Variants in AR observed in about 807,000 individuals in gnomAD.
The protein encoded by AR is androgen receptor.
In AR, 8 loss-of-function variants were observed where a neutral mutation model predicts 53.9. That is an observed-to-expected ratio of 0.15 (90% CI 0.09 to 0.27). The LOEUF (loss-of-function observed/expected upper bound fraction) is 0.27, where lower values mean the gene tolerates loss of function less well. Ranked by LOEUF, AR falls within the 10% of genes least tolerant of loss-of-function variation. The probability of loss-of-function intolerance (pLI) is 1.00; values close to 1 mark genes in which losing one functional copy is unlikely to be tolerated. For synonymous variants in AR, 359 were observed against 316.4 expected (o/e 1.13, Z -1.43); for missense variants, 639 against 742.5 (o/e 0.86, Z 1.62).
intron 1 of AR, among the ~76,000 whole-genome samples, chrX:67,590,456 AATG>A (rs1922776107): frequency 8.9e-6 from 1 of 112,042 alleles, no homozygotes; most frequent in African/African-American, 3.2e-5. Context: ...TTACAATGGA[AATG>A]ATGACAATAA....
intron 2 of AR, among the ~76,000 whole-genome samples, chrX:67,655,890 T>C (rs1420908572): frequency 8.9e-6 from 1 of 112,446 alleles, no homozygotes; most frequent in Non-Finnish European, 1.9e-5. Context: ...TTACAGCACA[T>C]TTTCAATGCT....
chrX:67,577,079 C>G (rs1922089493), intron 1 of AR, among the ~76,000 whole-genome samples: 1 of 106,003 alleles, frequency 9.4e-6, no homozygotes, highest in African/African-American at 3.5e-5. Flanking sequence ...TTTCATTGCC[C>G]CAAAAGGAAA....
chrX:67,682,824 C>A (rs1300294128), intron 2 of AR, among the ~76,000 whole-genome samples: 1 of 111,936 alleles, frequency 8.9e-6, no homozygotes, highest in East Asian at 2.8e-4. Context: ...CATCCCCTAT[C>A]TTTGTCCTTA....
chrX:67,634,191 G>A (rs1311809321), intron 1 of AR, among the ~76,000 whole-genome samples: 1 of 111,575 alleles, frequency 9.0e-6, no homozygotes, highest in Admixed American at 9.6e-5. Context: ...CACTACTAGT[G>A]TATGGACTTG....
intron 1 of AR, among the ~76,000 whole-genome samples, chrX:67,566,374 G>T (rs929894558): frequency 3.6e-5 from 4 of 111,733 alleles, no homozygotes; most frequent in Non-Finnish European, 7.5e-5. Flanking sequence ...AACGCCATTA[G>T]CAAAATCTCA....
intron 4 of AR, 69 bp downstream of exon 4, chrX:67,711,758 C>T (rs2076095034): frequency 3.8e-6 from 4 of 1,054,541 alleles, no homozygotes; most frequent in Non-Finnish European, 5.1e-6. Flanking sequence ...TATGGACCAG[C>T]CACCATGTCT....
intron 2 of AR, among the ~76,000 whole-genome samples, chrX:67,651,104 G>A (rs1424634528): frequency 5.5e-5 from 6 of 108,294 alleles, no homozygotes; most frequent in Admixed American, 9.9e-5. Context: ...GCAGTGGCAC[G>A]ATCTCGGCTC....
intron 1 of AR, among the ~76,000 whole-genome samples, chrX:67,633,947 C>A (rs1925296193): frequency 9.0e-6 from 1 of 110,892 alleles, no homozygotes; most frequent in African/African-American, 3.3e-5. Context: ...TACAGGATTT[C>A]TTTTTGGAGT....
intron 2 of AR, among the ~76,000 whole-genome samples, chrX:67,644,799 C>T (rs760898136): frequency 1.4e-4 from 16 of 111,544 alleles, no homozygotes; most frequent in Non-Finnish European, 2.8e-4. Context: ...TCAGCTCATA[C>T]CCCCAAATTA....
chrX:67,615,596 A>G (rs1924080045), intron 1 of AR, among the ~76,000 whole-genome samples: 1 of 111,629 alleles, frequency 9.0e-6, no homozygotes, highest in African/African-American at 3.2e-5. Context: ...AGTAGCTTTA[A>G]TCTGCATGAA....
chrX:67,656,909 C>T (rs1029399690), intron 2 of AR, among the ~76,000 whole-genome samples: 4 of 108,903 alleles, frequency 3.7e-5, no homozygotes, highest in Non-Finnish European at 7.6e-5. Context: ...GATCTTAAAG[C>T]TTAGTAGGAG....
chrX:67,615,092 G>T (rs1924052956), intron 1 of AR, among the ~76,000 whole-genome samples: 3 of 110,206 alleles, frequency 2.7e-5, no homozygotes. Flanking sequence ...GATTCCCAAA[G>T]AAATGTAGGA....
At chrX:67,707,421 G>T (rs1287003376) in intron 3 of AR, among the ~76,000 whole-genome samples, 1 of 111,408 alleles carries the variant, frequency 9.0e-6, no homozygotes, top group African/African-American at 3.3e-5. Context: ...TTTGATCTTT[G>T]TTGGTTTAAA....
intron 3 of AR, among the ~76,000 whole-genome samples, chrX:67,699,745 G>A (rs2076035051): frequency 9.0e-6 from 1 of 110,776 alleles, no homozygotes; most frequent in Non-Finnish European, 1.9e-5. Context: ...TAGTGAGATA[G>A]GGAGAACAGA....
Position 67,544,070 on chromosome X carries a change from G to C in AR, c.-1077G>C, listed in dbSNP as rs1157718811. Reference sequence around the variant, plus strand: ...AGCCAGCTTGCTGGGAGAGCGGGACGGTCCGGAGCAAGCCCAGAGGCAGAG... The same window carrying C: ...AGCCAGCTTGCTGGGAGAGCGGGACCGTCCGGAGCAAGCCCAGAGGCAGAG... On this transcript the variant is annotated 5_prime_UTR_variant, in exon 1 of 8. Transcript: ENST00000374690. 1.2e-5 allele frequency: 2 copies of C among 171,720 alleles called. No homozygotes were observed. Among genetic ancestry groups the C allele is most frequent in the East Asian group, 1.7e-4 (2 of 12,000 alleles). 14.2% of individuals were successfully genotyped at this position (171,720 alleles called of 1,213,427 possible).
At chrX:67,643,866 T>C (rs1020375094) in intron 2 of AR, among the ~76,000 whole-genome samples, 2 of 110,968 alleles carry the variant, frequency 1.8e-5, no homozygotes, top group African/African-American at 6.6e-5. Context: ...AGAAAGGGAG[T>C]GTTCTCACTC....
intron 4 of AR, among the ~76,000 whole-genome samples, 174 bp downstream of exon 4, chrX:67,711,863 A>T (rs930108915): frequency 1.6e-4 from 18 of 111,918 alleles, no homozygotes; most frequent in Non-Finnish European, 3.2e-4. Flanking sequence ...AGGGATCGAA[A>T]CTCAGAAAGC....
At chrX:67,552,015 A>C (rs945813783) in intron 1 of AR, among the ~76,000 whole-genome samples, 4 of 112,152 alleles carry the variant, frequency 3.6e-5, no homozygotes, top group African/African-American at 1.3e-4. Context: ...TTATTCTTTA[A>C]ATAACAGCTT....
In AR at chrX:67,724,328, G is replaced by A. The variant is rs2076149679; in HGVS notation, c.*487G>A. The A allele has an allele frequency of 5.6e-6, 1 of 177,919 alleles. No individual in the cohort carries two copies. Among genetic ancestry groups the A allele is most frequent in the East Asian group, 8.0e-5 (1 of 12,551 alleles). The allele number at this position is 177,919 out of a possible 1,213,427, so 14.7% of individuals were successfully genotyped here. ...AAAAATAAGCCAAAAAACCTTGCTAGTGTTTTTTCCTCAAAAATAAATAAA... is the reference window on the plus strand; with the variant it reads ...AAAAATAAGCCAAAAAACCTTGCTAATGTTTTTTCCTCAAAAATAAATAAA... On this transcript the variant is annotated 3_prime_UTR_variant, in exon 8 of 8. Transcript: ENST00000374690.
Sources: gnomAD v4.1 joint callset for allele counts (sites outside exome capture counted in the v4.1 genomes callset) on GRCh38, gnomAD v4.1.1 for gene constraint, MANE v1.5 for transcripts, NCBI Gene and HGNC (gene_info 2026-07-23, HGNC 2026-07-21) for gene names.